CTNNA2: variants seen among roughly 807,000 people sequenced by gnomAD.
The protein encoded by CTNNA2 is catenin alpha 2.
CTNNA2 carries 42 observed loss-of-function variants against 101.0 expected under a neutral mutation model. The ratio of observed to expected loss-of-function variants is 0.42; its 90% CI spans 0.32 to 0.54. CTNNA2 has a LOEUF of 0.54. Ranked by LOEUF, CTNNA2 falls within the 20% of genes least tolerant of loss-of-function variation. The probability of loss-of-function intolerance (pLI) is 0.14; values close to 1 mark genes in which losing one functional copy is unlikely to be tolerated. For synonymous variants in CTNNA2, 450 were observed against 456.4 expected, an observed-to-expected ratio of 0.99 and a Z score of 0.18; for missense variants, 871 against 1,223.1, an observed-to-expected ratio of 0.71 and a Z score of 4.29.
At chr2:79,966,306 G>A (rs377242158) in intron 7 of CTNNA2, among the ~76,000 whole-genome samples, 1 of 152,090 alleles carries the variant, frequency 6.6e-6, no homozygotes, top group East Asian at 1.9e-4. Context: ...CACAGTCATG[G>A]CTCACTGCAG....
chr2:79,933,399 G>C (rs1687577920), intron 7 of CTNNA2, among the ~76,000 whole-genome samples: 1 of 151,610 alleles, frequency 6.6e-6, no homozygotes, highest in African/African-American at 2.4e-5. Flanking sequence ...TAAGCTACTA[G>C]ACCTAGTGAA....
At chr2:80,307,800 A>G (rs138597349) in intron 7 of CTNNA2, among the ~76,000 whole-genome samples, 1 of 152,358 alleles carries the variant, frequency 6.6e-6, no homozygotes, top group East Asian at 1.9e-4. Context: ...GGCATCAAGA[A>G]TACCATCCCA....
intron 11 of CTNNA2, among the ~76,000 whole-genome samples, chr2:80,554,401 C>T (rs1692844808): frequency 6.6e-6 from 1 of 152,086 alleles, no homozygotes; most frequent in Non-Finnish European, 1.5e-5. Context: ...ATCAAAAGCA[C>T]ATATTTTTAT....
At chr2:79,549,604 A>T (rs577076512) in intron 1 of CTNNA2, among the ~76,000 whole-genome samples, 29 of 152,342 alleles carry the variant, frequency 1.9e-4, no homozygotes, top group Non-Finnish European at 3.8e-4. Flanking sequence ...TAATCAGCTC[A>T]ATGGCTAAAT....
chr2:80,017,256 G>A (rs908357935), intron 7 of CTNNA2, among the ~76,000 whole-genome samples: 3 of 151,936 alleles, frequency 2.0e-5, no homozygotes, highest in African/African-American at 7.3e-5. Context: ...ATAATACCTG[G>A]CACTATTAGG....
chr2:79,289,509 C>A (rs58341067), intron 2 of CTNNA2, among the ~76,000 whole-genome samples: 1 of 152,250 alleles, frequency 6.6e-6, no homozygotes, highest in East Asian at 1.9e-4. Context: ...CGCCTGTAAT[C>A]CCAGCACTTT....
At chr2:80,446,040 G>A (rs1169487605) in intron 9 of CTNNA2, among the ~76,000 whole-genome samples, 1 of 152,168 alleles carries the variant, frequency 6.6e-6, no homozygotes, top group Non-Finnish European at 1.5e-5. Flanking sequence ...CAAGACTCTG[G>A]TAATTGTTCC....
At chr2:80,135,255 G>A (rs1308185391) in intron 7 of CTNNA2, among the ~76,000 whole-genome samples, 1 of 152,156 alleles carries the variant, frequency 6.6e-6, no homozygotes, top group African/African-American at 2.4e-5. Context: ...CAGCCAACAG[G>A]CCATGAACTC....
chr2:79,926,402 T>TC (rs1687022438), intron 7 of CTNNA2, among the ~76,000 whole-genome samples: 1 of 152,164 alleles, frequency 6.6e-6, no homozygotes, highest in Non-Finnish European at 1.5e-5. Flanking sequence ...TTCCAAAACA[T>TC]CCCGTAAGAC....
chr2:79,724,748 G>C (rs1686711916), intron 2 of CTNNA2, among the ~76,000 whole-genome samples: 1 of 148,160 alleles, frequency 6.7e-6, no homozygotes, highest in African/African-American at 2.5e-5. Flanking sequence ...CTGGGAGGCG[G>C]AGCTTGCAGT....
intron 15 of CTNNA2, among the ~76,000 whole-genome samples, chr2:80,600,774 G>A (rs1211745543): frequency 6.6e-6 from 1 of 152,026 alleles, no homozygotes; most frequent in Non-Finnish European, 1.5e-5. Context: ...CCTCCGAGTA[G>A]CTGGGACTAT....
intron 1 of CTNNA2, among the ~76,000 whole-genome samples, chr2:79,651,165 T>C (rs566098053): frequency 8.5e-5 from 13 of 152,296 alleles, no homozygotes; most frequent in Admixed American, 5.9e-4. Context: ...TGTGTCACAC[T>C]GAGACCTAAT....
rs1192914753 is a variant in CTNNA2, at chr2:80,501,480, C to A, written c.1291-43502C>A. Among the ~76,000 whole-genome samples, 5 of 152,118 alleles carry A rather than the reference C, an allele frequency of 3.3e-5. No homozygotes were observed. In the East Asian group the frequency reaches 9.6e-4, roughly 29 times the overall value. ...CTTTAGTTCTCTACCAGCTCAAGAA[C>A]ATAAACAATATGAACTGGGGTTAGA... On this transcript the variant is annotated intron_variant, in intron 9 of 18. Transcript: ENST00000402739.
intron 9 of CTNNA2, among the ~76,000 whole-genome samples, chr2:80,493,763 A>G (rs984162272): frequency 6.6e-6 from 1 of 152,226 alleles, no homozygotes; most frequent in African/African-American, 2.4e-5. Flanking sequence ...AACACAGAAC[A>G]TGGCATGCTG....
chr2:80,494,032 T>G (rs1687257095), intron 9 of CTNNA2, among the ~76,000 whole-genome samples: 1 of 152,302 alleles, frequency 6.6e-6, no homozygotes, highest in Non-Finnish European at 1.5e-5. Context: ...GGAGTGTTAC[T>G]TCTGGGAGGA....
At chr2:80,297,897 G>A (rs1028865309) in intron 7 of CTNNA2, among the ~76,000 whole-genome samples, 1 of 152,062 alleles carries the variant, frequency 6.6e-6, no homozygotes, top group African/African-American at 2.4e-5. Context: ...ATAAAAGTTT[G>A]ATTATGAAGA....
intron 4 of CTNNA2, among the ~76,000 whole-genome samples, chr2:79,416,230 T>C (rs1231320075): frequency 2.0e-5 from 3 of 150,924 alleles, no homozygotes; most frequent in Non-Finnish European, 4.4e-5. Context: ...ATATATCTCA[T>C]GTCTCCTTGT....
At chr2:79,656,445 A>G (rs4396749) in intron 2 of CTNNA2, among the ~76,000 whole-genome samples, 17,047 of 151,248 alleles carry the variant, frequency 0.11, 1,286 homozygotes, top group East Asian at 0.22. Flanking sequence ...ACAGTTTCTA[A>G]TAAGGATGGA....
intron 16 of CTNNA2, chr2:80,605,690 A>G (rs1290969593): frequency 1.3e-5 from 2 of 151,942 alleles, no homozygotes; most frequent in African/African-American, 4.8e-5. Context: ...AAACAAACAA[A>G]ACCCCTCATG....
Sources: gnomAD v4.1 joint callset for allele counts (sites outside exome capture counted in the v4.1 genomes callset) on GRCh38, gnomAD v4.1.1 for gene constraint, MANE v1.5 for transcripts, NCBI Gene and HGNC (gene_info 2026-07-23, HGNC 2026-07-21) for gene names.